Variants in CNTNAP5 observed in about 807,000 individuals in gnomAD.
The protein encoded by CNTNAP5 is contactin associated protein family member 5.
Under a neutral mutation model 150.2 loss-of-function variants are expected in CNTNAP5, and 72 were observed. The observed-to-expected ratio is 0.48, with a 90% CI of 0.40 to 0.58. The LOEUF (loss-of-function observed/expected upper bound fraction) is 0.58. CNTNAP5 is among the 20% of genes least tolerant of loss of function. The probability of loss-of-function intolerance (pLI) is 0.00; values close to 1 mark genes in which losing one functional copy is unlikely to be tolerated. For synonymous variants in CNTNAP5, 672 were observed against 619.8 expected, an observed-to-expected ratio of 1.08 and a Z score of -1.25; for missense variants, 1,636 against 1,626.2, an observed-to-expected ratio of 1.01 and a Z score of -0.10.
At chr2:124,867,279 A>G (rs1383379202) in intron 20 of CNTNAP5, among the ~76,000 whole-genome samples, 1 of 152,158 alleles carries the variant, frequency 6.6e-6, no homozygotes, top group Non-Finnish European at 1.5e-5. Context: ...CTCTTATCTG[A>G]CTTCTTACAG....
chr2:124,172,060 A>G (rs1017895121), intron 1 of CNTNAP5, among the ~76,000 whole-genome samples: 1 of 152,184 alleles, frequency 6.6e-6, no homozygotes, highest in Admixed American at 6.5e-5. Context: ...TTAGACTTTC[A>G]TAGTTTCCAT....
chr2:124,343,125 G>A (rs909603582), intron 3 of CNTNAP5, among the ~76,000 whole-genome samples: 1 of 152,120 alleles, frequency 6.6e-6, no homozygotes, highest in Non-Finnish European at 1.5e-5. Flanking sequence ...AATGGCAATG[G>A]TTAAAGATCT....
intron 2 of CNTNAP5, among the ~76,000 whole-genome samples, chr2:124,235,887 G>A (rs1475604333): frequency 6.6e-6 from 1 of 152,046 alleles, no homozygotes; most frequent in Non-Finnish European, 1.5e-5. Flanking sequence ...TTTCTTACAG[G>A]TGTTTATCAT....
intron 13 of CNTNAP5, among the ~76,000 whole-genome samples, chr2:124,655,891 C>T (rs562320837): frequency 7.0e-5 from 10 of 143,736 alleles, no homozygotes; most frequent in Non-Finnish European, 1.3e-4. Flanking sequence ...ACACGTGAGA[C>T]CTCAACTGGA....
chr2:124,716,802 G>A (rs934642833), intron 13 of CNTNAP5, among the ~76,000 whole-genome samples: 1 of 152,156 alleles, frequency 6.6e-6, no homozygotes, highest in African/African-American at 2.4e-5. Flanking sequence ...TGCTTAGGAT[G>A]AGAGAAAATA....
At position 124,569,164 on chromosome 2, in the gene CNTNAP5, C is replaced by G. The variant is rs539492473; in HGVS notation, c.1756+5841C>G. On this transcript the variant is annotated intron_variant, in intron 11 of 23. Transcript: ENST00000682447. ...AAAAGTTCTGAATGGTTTTAAGAAT[C>G]TTGATTCATATTTCCAACTTGTTTT... Among the ~76,000 whole-genome samples the G allele has an allele frequency of 1.6e-3, 245 of 152,256 alleles. 1 individual carries two copies. The highest frequency in any genetic ancestry group is 1.5e-3 in the Non-Finnish European group (105 of 68,010).
At chr2:124,521,844 C>T (rs191228191) in intron 8 of CNTNAP5, among the ~76,000 whole-genome samples, 1 of 152,286 alleles carries the variant, frequency 6.6e-6, no homozygotes, top group Non-Finnish European at 1.5e-5. Context: ...CAAATGTTCA[C>T]CAAGACACAC....
chr2:124,088,278 T>C (rs1396137611), intron 1 of CNTNAP5, among the ~76,000 whole-genome samples: 4 of 152,178 alleles, frequency 2.6e-5, no homozygotes, highest in African/African-American at 4.8e-5. Flanking sequence ...TTTAATATTA[T>C]CATCTCGTTT....
intron 11 of CNTNAP5, among the ~76,000 whole-genome samples, chr2:124,599,843 C>CTCCTGAAATACTTTTCCTA (rs1558698856): frequency 6.6e-6 from 1 of 151,976 alleles, no homozygotes; most frequent in African/African-American, 2.4e-5. Context: ...TTGGGGGGAG[C>CTCCTGAAATACTTTTCCTA]TCCTTAAATA....
chr2:124,406,070 G>A (rs151055712), intron 3 of CNTNAP5, among the ~76,000 whole-genome samples: 167 of 152,208 alleles, frequency 1.1e-3, no homozygotes, highest in African/African-American at 3.0e-3. Flanking sequence ...TCTAATTTCC[G>A]TTTAGATTTC....
At chr2:124,856,709 T>C (rs998465525) in intron 19 of CNTNAP5, among the ~76,000 whole-genome samples, 8 of 152,154 alleles carry the variant, frequency 5.3e-5, no homozygotes, top group African/African-American at 1.9e-4. Flanking sequence ...TGCTACAAGG[T>C]ACTGGGTGAT....
chr2:124,268,667 C>T (rs1484775362), intron 3 of CNTNAP5, among the ~76,000 whole-genome samples: 1 of 152,178 alleles, frequency 6.6e-6, no homozygotes, highest in African/African-American at 2.4e-5. Flanking sequence ...CACATCACCC[C>T]TGCCCATTCA....
intron 1 of CNTNAP5, among the ~76,000 whole-genome samples, chr2:124,213,988 C>A (rs901057048): frequency 6.6e-6 from 1 of 152,158 alleles, no homozygotes; most frequent in Non-Finnish European, 1.5e-5. Context: ...AGTTTAGAAG[C>A]AGGTTTCAAC....
At chr2:124,720,127 TG>T (rs1291391367) in intron 13 of CNTNAP5, among the ~76,000 whole-genome samples, 1 of 152,172 alleles carries the variant, frequency 6.6e-6, no homozygotes, top group Non-Finnish European at 1.5e-5. Flanking sequence ...AATATTGCCT[TG>T]GTCCCTCCAT....
intron 17 of CNTNAP5, among the ~76,000 whole-genome samples, chr2:124,781,425 T>C (rs1035616411): frequency 1.3e-5 from 2 of 152,206 alleles, no homozygotes; most frequent in Admixed American, 1.3e-4. Flanking sequence ...CTCTTTCTTA[T>C]ATTGGTGAAA....
chr2:124,677,380 A>G (rs1339794107), intron 13 of CNTNAP5, among the ~76,000 whole-genome samples: 2 of 152,240 alleles, frequency 1.3e-5, no homozygotes, highest in Non-Finnish European at 2.9e-5. Context: ...TTTAGTGTGA[A>G]GAGTGAAAGA....
rs1681007718 is a variant in CNTNAP5, at chr2:124,763,731, T to C, written c.2294T>C (p.Ile765Thr). Residue 765 changes from isoleucine (I) to threonine (T), a missense_variant, in exon 15 of 24, where the codon ATC (isoleucine) becomes ACC (threonine). By Grantham distance (89) the Ile-to-Thr change is moderately conservative (BLOSUM62 -1). Transcript: ENST00000682447. ...CACTTGCCTGTCACTCAGATAGTTA[T>C]CACTGATACCGACAGATCAAACTCA... Reference protein sequence around the residue: ...KDHLPVTQIVITDTDRSNSEA... With the variant: ...KDHLPVTQIVTTDTDRSNSEA... 1 of 1,613,072 alleles carries C rather than the reference T, an allele frequency of 6.2e-7. No individual in the cohort carries two copies. The highest frequency in any genetic ancestry group is 2.2e-5 in the East Asian group (1 of 44,746).
At chr2:124,467,565 G>T (rs1184205116) in intron 6 of CNTNAP5, among the ~76,000 whole-genome samples, 1 of 152,106 alleles carries the variant, frequency 6.6e-6, no homozygotes, top group Non-Finnish European at 1.5e-5. Context: ...GAAAACAAAT[G>T]ATCTGAGGGA....
At chr2:124,713,671 G>A (rs956842494) in intron 13 of CNTNAP5, among the ~76,000 whole-genome samples, 5 of 151,716 alleles carry the variant, frequency 3.3e-5, no homozygotes, top group Non-Finnish European at 7.4e-5. Flanking sequence ...CCACCACGCT[G>A]GGCCATAACG....
Sources: allele counts gnomAD v4.1 joint callset (sites outside exome capture counted in the v4.1 genomes callset), GRCh38; gene constraint gnomAD v4.1.1; transcripts MANE v1.5; gene names NCBI Gene and HGNC (gene_info 2026-07-23, HGNC 2026-07-21).